The following TET1 variants were observed in gnomAD, a reference collection of about 807,000 sequenced individuals.
TET1 encodes methylcytosine dioxygenase TET1.
A neutral mutation model predicts 148.7 loss-of-function variants in TET1; 13 were observed. The observed-to-expected ratio is 0.09, with a 90% CI of 0.06 to 0.14. The LOEUF (loss-of-function observed/expected upper bound fraction) is 0.14. TET1 is among the 10% of genes least tolerant of loss of function. The pLI is 1.00. For missense variants in TET1, 2,182 were observed against 2,553.8 expected (o/e 0.85, Z 3.14); for synonymous variants, 907 against 937.2 (o/e 0.97, Z 0.59).
At chr10:68,677,279 G>C (rs1404127194) in intron 8 of TET1, among the ~76,000 whole-genome samples, 1 of 151,994 alleles carries the variant, frequency 6.6e-6, no homozygotes, top group Non-Finnish European at 1.5e-5. Flanking sequence ...GTATCAATGG[G>C]AACTCATTAG....
chr10:68,671,341 C>T (rs1042221025), intron 7 of TET1, among the ~76,000 whole-genome samples: 2 of 152,176 alleles, frequency 1.3e-5, no homozygotes, highest in African/African-American at 4.8e-5. Flanking sequence ...AGGATAGTGG[C>T]CTTTAGCTTT....
intron 2 of TET1, among the ~76,000 whole-genome samples, chr10:68,587,163 G>A (rs967603029): frequency 2.0e-5 from 3 of 152,056 alleles, no homozygotes; most frequent in African/African-American, 4.8e-5. Context: ...ATAATGAGAG[G>A]GTTTTGGTGT....
At chr10:68,654,476 G>T (rs1301533564) in intron 6 of TET1, among the ~76,000 whole-genome samples, 3 of 151,976 alleles carry the variant, frequency 2.0e-5, no homozygotes, top group Non-Finnish European at 4.4e-5. Context: ...AATTAGCCGG[G>T]CGTGGTGGCG....
At chr10:68,577,696 C>G (rs2053748482) in intron 2 of TET1, among the ~76,000 whole-genome samples, 1 of 152,076 alleles carries the variant, frequency 6.6e-6, no homozygotes, top group Non-Finnish European at 1.5e-5. Flanking sequence ...TTAATCCCAG[C>G]TACTCTGGAG....
chr10:68,592,350 A>G (rs989077200), intron 2 of TET1, among the ~76,000 whole-genome samples: 8 of 152,076 alleles, frequency 5.3e-5, no homozygotes, highest in South Asian at 2.1e-4. Context: ...AAACAAAACA[A>G]GAGTTTCAGG....
intron 9 of TET1, among the ~76,000 whole-genome samples, chr10:68,682,240 T>A (rs2055446567): frequency 6.6e-6 from 1 of 150,938 alleles, no homozygotes; most frequent in African/African-American, 2.4e-5. Flanking sequence ...GCCTCCCGAG[T>A]AGCTGGGACT....
At chr10:68,650,563 G>A (rs72799519) in intron 4 of TET1, among the ~76,000 whole-genome samples, 15,239 of 152,038 alleles carry the variant, frequency 0.1, 1,036 homozygotes, top group South Asian at 0.18. Context: ...CCCAGGAGGC[G>A]AAGATTGCAG....
chr10:68,676,195 GATATATATGTAT>G (rs71019057), intron 8 of TET1, among the ~76,000 whole-genome samples: 11,488 of 126,914 alleles, frequency 0.091, 749 homozygotes, highest in South Asian at 0.17. Flanking sequence ...GTATACACAA[GATATATATGTAT>G]ATATATACAC....
chr10:68,595,580 C>A (rs1218887696), intron 2 of TET1, among the ~76,000 whole-genome samples: 1 of 145,844 alleles, frequency 6.9e-6, no homozygotes, highest in Non-Finnish European at 1.5e-5. Context: ...AATTTTAATC[C>A]TGAAGCCACA....
rs367919197 is a variant in TET1 at position 68,573,519 on chromosome 10, A to G, written c.1181A>G (p.Asp394Gly). 1.2e-6 allele frequency: 2 copies of G among 1,614,072 alleles called. No homozygotes were observed. Among genetic ancestry groups the G allele is most frequent in the Non-Finnish European group, 1.7e-6 (2 of 1,180,048 alleles). ...GGTGAGGCCCTGGGTGAGACCCCAG[A>G]TCTACCAGAGATTCCTGGTGCTATT... is the stretch of plus-strand genomic sequence containing the variant. ...VHGEALGETP[D>G]LPEIPGAIPV... The change falls in exon 2 of 12, where the codon GAT becomes GGT. Residue 394 changes from aspartate to glycine, a missense_variant. Physicochemically the swap from Asp to Gly is moderately conservative, Grantham distance 94. Coordinates refer to ENST00000373644, the MANE Select transcript of TET1 (RefSeq NM_030625.3).
chr10:68,631,823 T>G (rs2054576127), intron 3 of TET1, among the ~76,000 whole-genome samples: 1 of 152,052 alleles, frequency 6.6e-6, no homozygotes, highest in African/African-American at 2.4e-5. Context: ...AGGGGTAACA[T>G]TTGAGGAACT....
chr10:68,666,672 C>T (rs1246811296), intron 6 of TET1, among the ~76,000 whole-genome samples: 2 of 152,136 alleles, frequency 1.3e-5, no homozygotes, highest in Admixed American at 1.3e-4. Context: ...TTTGTTCTGC[C>T]TGTTGTTTGT....
At chr10:68,635,701 C>G (rs2054639411) in intron 3 of TET1, among the ~76,000 whole-genome samples, 1 of 152,034 alleles carries the variant, frequency 6.6e-6, no homozygotes, top group Non-Finnish European at 1.5e-5. Flanking sequence ...GCTTTAGAGT[C>G]CTCTAGGGCC....
chr10:68,693,233 T>G lies in TET1; in HGVS notation c.*1419T>G, dbSNP rs2055616042. On this transcript the variant is annotated 3_prime_UTR_variant, in exon 12 of 12. Coordinates refer to ENST00000373644, the MANE Select transcript of TET1 (RefSeq NM_030625.3). ...TCATTTTATTGCAAAACAAAAAGGA[T>G]TACCCAAACAACATGTTTCGAACAA... 1 of 232,666 alleles carries G rather than the reference T, an allele frequency of 4.3e-6. No individual in the cohort carries two copies. The highest frequency in any genetic ancestry group is 1.8e-4 in the South Asian group (1 of 5,514). 14.4% of individuals were successfully genotyped at this position (232,666 alleles called of 1,614,324 possible).
At chr10:68,637,521 T>G (rs1008320086) in intron 3 of TET1, among the ~76,000 whole-genome samples, 1 of 145,956 alleles carries the variant, frequency 6.9e-6, no homozygotes, top group African/African-American at 2.5e-5. Flanking sequence ...TCCTATTCTT[T>G]TTTTTTTTTT....
intron 3 of TET1, among the ~76,000 whole-genome samples, chr10:68,643,217 G>A (rs924943383): frequency 1.4e-4 from 18 of 128,632 alleles, no homozygotes; most frequent in Admixed American, 1.9e-4. Flanking sequence ...AACTGTGATT[G>A]TACCACTGCA....
intron 2 of TET1, among the ~76,000 whole-genome samples, chr10:68,584,278 G>A (rs2053835189): frequency 6.6e-6 from 1 of 151,548 alleles, no homozygotes; most frequent in Admixed American, 6.6e-5. Context: ...CTGACCTCAG[G>A]TGATCCATCT....
At chr10:68,600,212 C>G (rs937614501) in intron 2 of TET1, among the ~76,000 whole-genome samples, 2 of 152,132 alleles carry the variant, frequency 1.3e-5, no homozygotes, top group Non-Finnish European at 2.9e-5. Flanking sequence ...CAAATGCCCC[C>G]CTAGGCTCAG....
chr10:68,561,589 C>T (rs1385724577), intron 1 of TET1, among the ~76,000 whole-genome samples: 4 of 152,062 alleles, frequency 2.6e-5, no homozygotes, highest in Admixed American at 1.3e-4. Context: ...TGGGGCTGGT[C>T]GTGCAGCACG....
Sources: allele counts gnomAD v4.1 joint callset (sites outside exome capture counted in the v4.1 genomes callset), GRCh38; gene constraint gnomAD v4.1.1; transcripts MANE v1.5; gene names NCBI Gene and HGNC (gene_info 2026-07-23, HGNC 2026-07-21).